ARMC9: variants seen among roughly 807,000 people sequenced by gnomAD.
ARMC9 encodes lisH domain-containing protein ARMC9.
A neutral mutation model predicts 107.0 loss-of-function variants in ARMC9; 94 were observed. The observed-to-expected ratio is 0.88, with a 90% CI of 0.74 to 1.04. The LOEUF (loss-of-function observed/expected upper bound fraction) is 1.04. Among genes scored for constraint, ARMC9 ranks in the 50% least tolerant of loss-of-function variants. ARMC9 has a pLI of 0.00. For synonymous variants in ARMC9, 380 were observed against 396.9 expected, an observed-to-expected ratio of 0.96 and a Z score of 0.51; for missense variants, 942 against 1,030.1, an observed-to-expected ratio of 0.91 and a Z score of 1.17.
chr2:231,216,966 T>G (rs988167201), intron 5 of ARMC9, among the ~76,000 whole-genome samples, 173 bp downstream of exon 5: 7 of 152,234 alleles, frequency 4.6e-5, no homozygotes, highest in African/African-American at 1.4e-4. Context: ...GGATGGTTAG[T>G]TAGGTTTGGT....
At position 231,372,224 on chromosome 2, in the gene ARMC9, C is replaced by G. The variant is rs937559454; in HGVS notation, c.*689C>G. 1 of 152,266 alleles carries G rather than the reference C, an allele frequency of 6.6e-6. No homozygotes were observed. Among genetic ancestry groups the G allele is most frequent in the Non-Finnish European group, 1.5e-5 (1 of 68,152 alleles). 9.4% of individuals were successfully genotyped at this position (152,266 alleles called of 1,614,324 possible). ...TACTAAAAAAATACAAAAAAATTAG[C>G]CGGGCGTGGTGGCGGGCGCTTGTAG... On this transcript the variant is annotated 3_prime_UTR_variant, in exon 25 of 25. Coordinates refer to ENST00000611582, the MANE Select transcript of ARMC9 (RefSeq NM_001352754.2).
intron 19 of ARMC9, among the ~76,000 whole-genome samples, chr2:231,301,903 C>T (rs1167313425): frequency 1.3e-5 from 2 of 151,940 alleles, no homozygotes; most frequent in Non-Finnish European, 2.9e-5. Context: ...CATTTGAACC[C>T]GGGAGGTGGA....
intron 17 of ARMC9, among the ~76,000 whole-genome samples, chr2:231,284,967 A>T (rs1158312853): frequency 4.6e-5 from 7 of 152,228 alleles, no homozygotes; most frequent in African/African-American, 1.7e-4. Context: ...TTGGAAGCCG[A>T]TGTGGGCAGA....
intron 7 of ARMC9, among the ~76,000 whole-genome samples, chr2:231,231,119 C>T (rs1296660021): frequency 6.6e-6 from 1 of 152,180 alleles, no homozygotes; most frequent in Non-Finnish European, 1.5e-5. Flanking sequence ...GAATGAACTT[C>T]CGGGGGGAAG....
Position 231,362,957 on chromosome 2 carries a change from T to A in ARMC9, c.2261+2074T>A, listed in dbSNP as rs754154928. Among the ~76,000 whole-genome samples, 3 of 152,158 alleles carry A rather than the reference T, an allele frequency of 2.0e-5. No individual in the cohort carries two copies. The highest frequency in any genetic ancestry group is 4.4e-5 in the Non-Finnish European group (3 of 68,022). On this transcript the variant is annotated intron_variant, in intron 23 of 24. Coordinates refer to ENST00000611582, the MANE Select transcript of ARMC9 (RefSeq NM_001352754.2). The surrounding 1 kb of genome is among the most constrained non-coding windows in gnomAD (Gnocchi z 4.7). ...GGGCGGAGACCCCACTGTGTTGTCA[T>A]GTGGCTGCCTCTCACTGCCTCAGAG...
intron 9 of ARMC9, among the ~76,000 whole-genome samples, chr2:231,244,261 CT>C (rs1303397420): frequency 2.0e-5 from 3 of 152,116 alleles, no homozygotes; most frequent in Admixed American, 1.3e-4. Context: ...TTCTTTCCCC[CT>C]GAGTTCTGAA....
In ARMC9 at chr2:231,371,663, G is replaced by T. The variant is rs1176991258; in HGVS notation, c.*128G>T. ...ACAAGACTCTGGGAGCTGAGGGGAG[G>T]CCGGCTCTCCAGGCAGCACCAGAGC... is the stretch of plus-strand genomic sequence containing the variant. On this transcript the variant is annotated 3_prime_UTR_variant, in exon 25 of 25. Transcript: ENST00000611582. The T allele has an allele frequency of 1.0e-6, 1 of 991,704 alleles. No individual in the cohort carries two copies. Among genetic ancestry groups the T allele is most frequent in the Non-Finnish European group, 1.3e-6 (1 of 768,916 alleles). 61.4% of individuals were successfully genotyped at this position (991,704 alleles called of 1,614,324 possible).
chr2:231,270,004 T>A (rs1209650679), intron 12 of ARMC9, among the ~76,000 whole-genome samples: 1 of 151,838 alleles, frequency 6.6e-6, no homozygotes, highest in Non-Finnish European at 1.5e-5. Flanking sequence ...GTGGGGCCTG[T>A]CGATGGATAG....
chr2:231,350,629 AAAAAAAG>A (rs1448563380), intron 21 of ARMC9, among the ~76,000 whole-genome samples: 2 of 143,410 alleles, frequency 1.4e-5, no homozygotes, highest in African/African-American at 3.0e-5. Flanking sequence ...TCTCAAAAAA[AAAAAAAG>A]AAAAAGAAAA....
chr2:231,274,161 A>G (rs1234400476), intron 14 of ARMC9, among the ~76,000 whole-genome samples: 1 of 152,186 alleles, frequency 6.6e-6, no homozygotes, highest in Non-Finnish European at 1.5e-5. Context: ...TCTGTCACCC[A>G]GACTGGAGTG....
At chr2:231,293,179 G>A (rs1346443283) in intron 18 of ARMC9, among the ~76,000 whole-genome samples, 1 of 152,066 alleles carries the variant, frequency 6.6e-6, no homozygotes, top group East Asian at 1.9e-4. Context: ...AAATTCAGGT[G>A]GGCAAAAATT....
chr2:231,307,725 A>G lies in ARMC9; in HGVS notation c.1773+11472A>G, dbSNP rs145905540. Among the ~76,000 whole-genome samples, 210 of 152,348 alleles carry G rather than the reference A, an allele frequency of 1.4e-3. 1 individual carries two copies. Among genetic ancestry groups the G allele is most frequent in the Non-Finnish European group, 2.6e-3 (175 of 68,034 alleles). On this transcript the variant is annotated intron_variant, in intron 19 of 24. Coordinates refer to ENST00000611582, the MANE Select transcript of ARMC9 (RefSeq NM_001352754.2). ...TTCCTTTATCCCATCATTGCTGTCA[A>G]CCAGGTTCCAGAGCAGGGACAGTTG...
intron 19 of ARMC9, among the ~76,000 whole-genome samples, chr2:231,317,722 T>G (rs1452894002): frequency 6.6e-6 from 1 of 152,200 alleles, no homozygotes. Flanking sequence ...TACTTTCTGT[T>G]GATCGTCCTT....
intron 21 of ARMC9, among the ~76,000 whole-genome samples, chr2:231,349,889 T>C: frequency 6.6e-6 from 1 of 152,122 alleles, no homozygotes; most frequent in East Asian, 1.9e-4. Flanking sequence ...TGATTGGAAT[T>C]TTTTTTACAC....
intron 5 of ARMC9, among the ~76,000 whole-genome samples, chr2:231,221,657 C>T (rs1157054814): frequency 2.7e-5 from 4 of 149,850 alleles, no homozygotes; most frequent in African/African-American, 7.4e-5. Context: ...GGTGAAACCC[C>T]GTCTCTACCA....
At chr2:231,201,575 G>C (rs1372670975) in intron 1 of ARMC9, among the ~76,000 whole-genome samples, 1 of 152,148 alleles carries the variant, frequency 6.6e-6, no homozygotes, top group Non-Finnish European at 1.5e-5. Flanking sequence ...CCCACTCTCT[G>C]CCCACTCCTT....
intron 7 of ARMC9, among the ~76,000 whole-genome samples, chr2:231,230,345 C>T (rs2035093277): frequency 1.3e-5 from 2 of 151,670 alleles, no homozygotes. Flanking sequence ...CAAAGCCAGA[C>T]TCCGTCTCAA....
At chr2:231,262,485 T>G in intron 12 of ARMC9, 87 bp downstream of exon 12, 1 of 1,290,366 alleles carries the variant, frequency 7.7e-7, no homozygotes, top group Non-Finnish European at 1.1e-6. Context: ...ATAATTTCTC[T>G]GCACATTTTC....
chr2:231,253,878 G>T (rs1353824800), intron 9 of ARMC9, among the ~76,000 whole-genome samples: 1 of 152,186 alleles, frequency 6.6e-6, no homozygotes, highest in Non-Finnish European at 1.5e-5. Context: ...CTGGTGTCAG[G>T]CTGTAGGGAG....
Sources: allele counts gnomAD v4.1 joint callset (sites outside exome capture counted in the v4.1 genomes callset), GRCh38; gene constraint gnomAD v4.1.1; non-coding constraint Gnocchi (gnomAD v3.1); transcripts MANE v1.5; gene names NCBI Gene and HGNC (gene_info 2026-07-23, HGNC 2026-07-21).